PRKCZ: variants seen among roughly 807,000 people sequenced by gnomAD.
PRKCZ encodes protein kinase C zeta type.
In PRKCZ, 33 loss-of-function variants were observed where a neutral mutation model predicts 79.5. That is an observed-to-expected ratio of 0.41 (90% CI 0.31 to 0.55). PRKCZ has a LOEUF of 0.55. Among genes scored for constraint, PRKCZ ranks in the 20% least tolerant of loss-of-function variants. The pLI, the probability that PRKCZ is intolerant of heterozygous loss-of-function variation, is 0.19. For missense variants in PRKCZ, 578 were observed against 813.5 expected, an observed-to-expected ratio of 0.71 and a Z score of 3.52; for synonymous variants, 342 against 320.9, an observed-to-expected ratio of 1.07 and a Z score of -0.70.
chr1:2,148,991 G>A, intron 8 of PRKCZ, 67 bp downstream of exon 8: 1 of 1,520,190 alleles, frequency 6.6e-7, no homozygotes, highest in Non-Finnish European at 9.1e-7. Flanking sequence ...CCTGTCTCTG[G>A]GGTAGTCACG....
At chr1:2,084,291 C>T (rs371344793) in intron 4 of PRKCZ, among the ~76,000 whole-genome samples, 3 of 152,336 alleles carry the variant, frequency 2.0e-5, no homozygotes, top group African/African-American at 7.2e-5. Context: ...AATATTGCTC[C>T]ACTGGGTTCT....
At chr1:2,117,148 C>G (rs1670908126) in intron 4 of PRKCZ, among the ~76,000 whole-genome samples, 1 of 152,024 alleles carries the variant, frequency 6.6e-6, no homozygotes, top group East Asian at 1.9e-4. Flanking sequence ...CAGGGTCTCC[C>G]TATGTTGCCC....
At chr1:2,120,618 A>G (rs1671703482) in intron 4 of PRKCZ, among the ~76,000 whole-genome samples, 1 of 151,692 alleles carries the variant, frequency 6.6e-6, no homozygotes, top group Non-Finnish European at 1.5e-5. Context: ...TTCAAATAGC[A>G]TCCTGTTCTC....
Position 2,146,016 on chromosome 1 carries a change from C to T in PRKCZ, c.553-11C>T. On this transcript the variant is annotated splice_polypyrimidine_tract_variant and intron_variant, in intron 6 of 17. Coordinates refer to ENST00000378567, the MANE Select transcript of PRKCZ (RefSeq NM_002744.6). ...CTTGGTCATGCTGCCATCTCTGTGTCTCTCCGGCAGGATTCTGTCATGCCT... is the reference window on the plus strand; with the variant it reads ...CTTGGTCATGCTGCCATCTCTGTGTTTCTCCGGCAGGATTCTGTCATGCCT... 1 of 1,607,204 alleles carries T rather than the reference C, an allele frequency of 6.2e-7. No homozygotes were observed. The highest frequency in any genetic ancestry group is 8.5e-7 in the Non-Finnish European group (1 of 1,173,700).
chr1:2,139,966 A>T (rs776563227), intron 5 of PRKCZ, among the ~76,000 whole-genome samples: 1 of 152,208 alleles, frequency 6.6e-6, no homozygotes, highest in Non-Finnish European at 1.5e-5. Flanking sequence ...CAAGTGCCGC[A>T]GGGACAGCTG....
chr1:2,145,949 C>T lies in PRKCZ; in HGVS notation c.553-78C>T. On this transcript the variant is annotated intron_variant, in intron 6 of 17. Coordinates refer to ENST00000378567, the MANE Select transcript of PRKCZ (RefSeq NM_002744.6). ...AAAAGTTCTTAATTTTAAAAAGTCA[C>T]AAAGTGTTTACAGAAGCTACATTGT... 3.1e-6 allele frequency: 4 copies of T among 1,307,550 alleles called. No homozygotes were observed. In the South Asian group the frequency reaches 3.6e-5, roughly 12 times the overall value. The allele number at this position is 1,307,550 out of a possible 1,614,324, so 81.0% of individuals were successfully genotyped here. A position where few individuals can be genotyped will look rare whatever the true frequency, so the allele number is the denominator to read the frequency against.
chr1:2,096,544 C>T (rs372036914), intron 4 of PRKCZ, among the ~76,000 whole-genome samples: 1 of 151,238 alleles, frequency 6.6e-6, no homozygotes, highest in Non-Finnish European at 1.5e-5. Context: ...CGCTCAGAGG[C>T]GGTTGTGAGC....
chr1:2,136,915 C>T (rs1237695959), intron 5 of PRKCZ, among the ~76,000 whole-genome samples: 2 of 152,094 alleles, frequency 1.3e-5, no homozygotes, highest in Non-Finnish European at 2.9e-5. Flanking sequence ...TCAGGGTTCT[C>T]CAGAGGGATG....
At chr1:2,147,973 CCATCTATT>C in intron 7 of PRKCZ, among the ~76,000 whole-genome samples, 1 of 151,216 alleles carries the variant, frequency 6.6e-6, no homozygotes, top group East Asian at 2.0e-4. Flanking sequence ...CTCCATCTAT[CCATCTATT>C]GTCCACTGAC....
chr1:2,085,322 G>C (rs1404199585), intron 4 of PRKCZ, among the ~76,000 whole-genome samples: 1 of 152,350 alleles, frequency 6.6e-6, no homozygotes, highest in Non-Finnish European at 1.5e-5. Context: ...AGCTGGCCCC[G>C]AGCCAGCAGC....
At chr1:2,072,712 C>T (rs984432594) in intron 4 of PRKCZ, among the ~76,000 whole-genome samples, 11 of 152,078 alleles carry the variant, frequency 7.2e-5, no homozygotes, top group South Asian at 2.1e-4. Flanking sequence ...CTCTAGGAAT[C>T]GGTTGGCCTC....
At chr1:2,135,061 C>T (rs1371740426) in intron 4 of PRKCZ, 6 of 491,762 alleles carry the variant, frequency 1.2e-5, no homozygotes, top group South Asian at 9.6e-5. Context: ...CTCCAGCCGC[C>T]GAGGCCGTGA....
intron 5 of PRKCZ, chr1:2,141,696 C>G (rs1677353099): frequency 6.3e-6 from 1 of 158,066 alleles, no homozygotes; most frequent in African/African-American, 2.4e-5. Context: ...TTGGTCTTAA[C>G]TAGGACCGTA....
intron 3 of PRKCZ, among the ~76,000 whole-genome samples, chr1:2,057,835 G>C (rs549458425): frequency 1.3e-5 from 2 of 151,958 alleles, no homozygotes; most frequent in South Asian, 4.2e-4. Context: ...CTCCCGAGTA[G>C]CTGGGACTAC....
chr1:2,120,585 C>T (rs1006358857), intron 4 of PRKCZ, among the ~76,000 whole-genome samples: 15 of 151,634 alleles, frequency 9.9e-5, no homozygotes, highest in African/African-American at 2.9e-4. Flanking sequence ...TGTGAGCCAC[C>T]GTGCCCGGCC....
intron 4 of PRKCZ, among the ~76,000 whole-genome samples, chr1:2,062,905 C>T (rs1375222059): frequency 3.3e-5 from 5 of 152,190 alleles, no homozygotes; most frequent in Admixed American, 3.3e-4. Flanking sequence ...GACTCAGCCT[C>T]TGTCTCCATG....
At chr1:2,109,372 T>G (rs1201471181) in intron 4 of PRKCZ, among the ~76,000 whole-genome samples, 3 of 152,192 alleles carry the variant, frequency 2.0e-5, no homozygotes, top group Admixed American at 2.0e-4. Flanking sequence ...CCCTTGTCTC[T>G]GGGGGGTGAC....
At chr1:2,129,585 C>T (rs139872944) in intron 4 of PRKCZ, among the ~76,000 whole-genome samples, 1 of 152,298 alleles carries the variant, frequency 6.6e-6, no homozygotes, top group East Asian at 1.9e-4. Flanking sequence ...GATCCTGTCT[C>T]ATTAATTGTA....
At position 2,185,254 on chromosome 1, in the gene PRKCZ, G is replaced by C. The variant is rs373583033; in HGVS notation, c.*245G>C. 2.8e-6 allele frequency: 2 copies of C among 714,280 alleles called. No individual in the cohort carries two copies. Among genetic ancestry groups the C allele is most frequent in the African/African-American group, 3.5e-5 (2 of 57,270 alleles). 44.2% of individuals were successfully genotyped at this position (714,280 alleles called of 1,614,324 possible). On this transcript the variant is annotated 3_prime_UTR_variant, in exon 18 of 18. Transcript: ENST00000378567. ...GCTGTGCCTGCGTCGCGGCGGATCC[G>C]CGGGGACCCTGCCGAGGGGGCTGTC...
Sources: gnomAD v4.1 joint callset for allele counts (sites outside exome capture counted in the v4.1 genomes callset) on GRCh38, gnomAD v4.1.1 for gene constraint, MANE v1.5 for transcripts, NCBI Gene and HGNC (gene_info 2026-07-23, HGNC 2026-07-21) for gene names.